Variants in ABI2 observed in about 807,000 individuals in gnomAD.
The protein encoded by ABI2 is abelson interactor 2.
Under a neutral mutation model 59.2 loss-of-function variants are expected in ABI2, and 25 were observed. The ratio of observed to expected loss-of-function variants is 0.42; its 90% CI spans 0.31 to 0.59. ABI2 has a LOEUF of 0.59. ABI2 is among the 20% of genes least tolerant of loss of function. The probability of loss-of-function intolerance (pLI) is 0.14; values close to 1 mark genes in which losing one functional copy is unlikely to be tolerated. For synonymous variants in ABI2, 213 were observed against 235.5 expected, an observed-to-expected ratio of 0.90 and a Z score of 0.87; for missense variants, 545 against 681.8, an observed-to-expected ratio of 0.80 and a Z score of 2.23.
chr2:203,368,984 A>AATTTTTTTT lies in ABI2; in HGVS notation c.285+1940_285+1941insATTTTTTTT, dbSNP rs1312712237. 8.8e-5 allele frequency among the ~76,000 whole-genome samples: 8 copies of AATTTTTTTT among 91,118 alleles called. 3 individuals are homozygous for AATTTTTTTT. The highest frequency in any genetic ancestry group is 4.5e-5 in the African/African-American group (1 of 22,452). 59.8% of individuals were successfully genotyped at this position (91,118 alleles called of 152,430 possible). Reference sequence around the variant, plus strand: ...TACAGGCACGTGCCATGCTTGGCTGATTTTTTTTTTTTTTTTTTTTTTTTT... The same window carrying AATTTTTTTT: ...TACAGGCACGTGCCATGCTTGGCTGAATTTTTTTTTTTTTTTTTTTTTTTTTTTTTTTTT... On this transcript the variant is annotated intron_variant, in intron 2 of 11. Transcript: ENST00000261018.
rs148766477 is a variant in ABI2, at chr2:203,338,908, CTGTGTGTG to C, written c.117+10291_117+10298del. Among the ~76,000 whole-genome samples the C allele has an allele frequency of 1.1e-3, 68 of 64,024 alleles. 1 individual carries two copies. Among genetic ancestry groups the C allele is most frequent in the East Asian group, 5.8e-3 (15 of 2,576 alleles). 42.0% of individuals were successfully genotyped at this position (64,024 alleles called of 152,430 possible). ...CATCTATCTGATAAGGGGTTTATAT[CTGTGTGTG>C]TGTGTGTGTGTGTATATGTATATAT... is the stretch of plus-strand genomic sequence containing the variant. On this transcript the variant is annotated intron_variant, in intron 1 of 11. Coordinates refer to ENST00000261018, the MANE Select transcript of ABI2 (RefSeq NM_001375670.1).
rs768609353 is a variant in ABI2 at position 203,427,288 on chromosome 2, T to C, written c.1565T>C (p.Met522Thr). 6 of 1,613,958 alleles carry C rather than the reference T, an allele frequency of 3.7e-6. No individual in the cohort carries two copies. The highest frequency in any genetic ancestry group is 1.3e-5 in the African/African-American group (1 of 74,922). The change falls in exon 12 of 12, where the codon ATG becomes ACG. Residue 522 changes from methionine to threonine, a missense_variant. Physicochemically the swap from Met to Thr is moderately conservative, Grantham distance 81 (BLOSUM62 -1). This residue lies in a region of ABI2 where 44 missense variants were observed against 106.4 expected (regional missense o/e 0.41). Coordinates refer to ENST00000261018, the MANE Select transcript of ABI2 (RefSeq NM_001375670.1). ...GACGATGGTTGGTATGAGGGAGTTATGAATGGAGTGACTGGGCTTTTTCCT... is the reference window on the plus strand; with the variant it reads ...GACGATGGTTGGTATGAGGGAGTTACGAATGGAGTGACTGGGCTTTTTCCT... ...KNDDGWYEGV[M>T]NGVTGLFPGN...
At chr2:203,358,124 T>C (rs1377616129) in intron 1 of ABI2, among the ~76,000 whole-genome samples, 1 of 148,156 alleles carries the variant, frequency 6.7e-6, no homozygotes, top group Admixed American at 6.8e-5. Flanking sequence ...TTTGTTTGTT[T>C]GTTTGTTTTT....
chr2:203,340,032 T>C (rs2078966766), intron 1 of ABI2, among the ~76,000 whole-genome samples: 1 of 152,196 alleles, frequency 6.6e-6, no homozygotes. Context: ...TAATAGAATA[T>C]TATTCAGCCA....
intron 3 of ABI2, 75 bp from the exon 4 acceptor site, chr2:203,382,114 A>T (rs1358310952): frequency 1.6e-6 from 2 of 1,273,460 alleles, no homozygotes; most frequent in Non-Finnish European, 2.1e-6. Flanking sequence ...CTTTCTCTTC[A>T]CATCCTGAAG....
rs1290659890 is a variant in ABI2 at position 203,411,307 on chromosome 2, C to T, written c.1215C>T (p.Pro405=). 1.2e-6 allele frequency: 2 copies of T among 1,613,678 alleles called. No individual in the cohort carries two copies. The highest frequency in any genetic ancestry group is 1.3e-5 in the African/African-American group (1 of 74,910). Residue 405 remains proline, a synonymous_variant, in exon 10 of 12, where the codon CCC becomes CCT. Transcript: ENST00000261018. ...QNPVSLAPPP[P]SILQVTPQLP... Reference sequence around the variant, plus strand: ...CAGTATCTCTTGCTCCTCCTCCTCCCTCCATCCTACAGGTAACTCCTCAGT... The same window carrying T: ...CAGTATCTCTTGCTCCTCCTCCTCCTTCCATCCTACAGGTAACTCCTCAGT...
chr2:203,353,391 G>A (rs1466310964), intron 1 of ABI2, among the ~76,000 whole-genome samples: 4 of 152,212 alleles, frequency 2.6e-5, no homozygotes, highest in Admixed American at 6.5e-5. Context: ...TATTTTCAAC[G>A]TTGCAGTTTT....
intron 1 of ABI2, among the ~76,000 whole-genome samples, chr2:203,350,506 C>T (rs976065015): frequency 6.6e-6 from 1 of 151,682 alleles, no homozygotes; most frequent in African/African-American, 2.4e-5. Flanking sequence ...GACACTACCA[C>T]ATGTGGTTAC....
rs575221108 is a variant in ABI2, at chr2:203,396,937, C to A, written c.1003C>A (p.Pro335Thr). Residue 335 changes from proline to threonine, a missense_variant, in exon 8 of 12, where the codon CCC becomes ACC. Pro to Thr is a conservative substitution (Grantham distance 38). Transcript: ENST00000261018. ...TGCTGATGGCTTCACTTCTCCAACT[C>A]CCCCTGTTGTTTCTTCCACTCCCCC... ...TLADGFTSPT[P>T]PVVSSTPPTG... The A allele has an allele frequency of 1.1e-4, 174 of 1,514,926 alleles. No homozygotes were observed. Among genetic ancestry groups the A allele is most frequent in the Middle Eastern group, 3.4e-4 (2 of 5,938 alleles). 93.8% of individuals were successfully genotyped at this position (1,514,926 alleles called of 1,614,324 possible). A position where few individuals can be genotyped will look rare whatever the true frequency, so the allele number is the denominator to read the frequency against.
chr2:203,392,689 T>C (rs1208996560), intron 5 of ABI2, among the ~76,000 whole-genome samples: 1 of 152,212 alleles, frequency 6.6e-6, no homozygotes, highest in African/African-American at 2.4e-5. Context: ...ATTTATATCA[T>C]GTGTAGTGCC....
rs2098470475 is a variant in ABI2, at chr2:203,430,093, T to C, written c.*2741T>C. The C allele has an allele frequency of 6.6e-6, 1 of 152,230 alleles. No homozygotes were observed. Among genetic ancestry groups the C allele is most frequent in the Admixed American group, 6.5e-5 (1 of 15,292 alleles). The allele number at this position is 152,230 out of a possible 1,614,324, so 9.4% of individuals were successfully genotyped here. A position where few individuals can be genotyped will look rare whatever the true frequency, so the allele number is the denominator to read the frequency against. ...ATTGTCTTGGAAGGATACTGTGTGA[T>C]GGGTCAGGCACACAGTAATTGGAGA... On this transcript the variant is annotated 3_prime_UTR_variant, in exon 12 of 12. Coordinates refer to ENST00000261018, the MANE Select transcript of ABI2 (RefSeq NM_001375670.1).
At chr2:203,404,177 C>G (rs1290922061) in intron 9 of ABI2, among the ~76,000 whole-genome samples, 3 of 152,154 alleles carry the variant, frequency 2.0e-5, no homozygotes. Context: ...TGCATGAAAG[C>G]CTGAGACCTT....
intron 9 of ABI2, among the ~76,000 whole-genome samples, chr2:203,408,232 G>A (rs973841253): frequency 2.7e-5 from 4 of 149,696 alleles, no homozygotes; most frequent in African/African-American, 9.9e-5. Flanking sequence ...GCATGATCTC[G>A]GCTCACTGCA....
At chr2:203,427,032 A>AT (rs1259953538) in intron 11 of ABI2, 145 bp from the exon 12 acceptor site, 5 of 641,214 alleles carry the variant, frequency 7.8e-6, no homozygotes, top group African/African-American at 1.8e-5. Context: ...AGAAAAAAAA[A>AT]CATGTAAGTT....
chr2:203,337,224 A>G (rs545138527), intron 1 of ABI2, among the ~76,000 whole-genome samples: 1 of 152,340 alleles, frequency 6.6e-6, no homozygotes, highest in African/African-American at 2.4e-5. Context: ...TGCAAATGAC[A>G]TGATTCCTTA....
chr2:203,333,921 T>G (rs575714148), intron 1 of ABI2, among the ~76,000 whole-genome samples: 1 of 151,940 alleles, frequency 6.6e-6, no homozygotes, highest in African/African-American at 2.4e-5. Context: ...TGTTCATTTA[T>G]TTTTTCTTTT....
chr2:203,376,544 T>C (rs994881642), intron 2 of ABI2, among the ~76,000 whole-genome samples: 3 of 152,200 alleles, frequency 2.0e-5, no homozygotes, highest in Admixed American at 6.5e-5. Flanking sequence ...AACAAATATA[T>C]TTTTAAAGAA....
intron 4 of ABI2, 21 bp from the exon 5 acceptor site, chr2:203,391,025 G>C: frequency 6.2e-7 from 1 of 1,605,424 alleles, no homozygotes; most frequent in Non-Finnish European, 8.5e-7. Flanking sequence ...TACAAGTTGA[G>C]TTTTCCTTAA....
At chr2:203,358,309 ATTTTTAT>A (rs1050112189) in intron 1 of ABI2, among the ~76,000 whole-genome samples, 6 of 151,562 alleles carry the variant, frequency 4.0e-5, no homozygotes, top group Admixed American at 6.6e-5. Context: ...TTTAAATTTT[ATTTTTAT>A]TTTTTATTTT....
Sources: gnomAD v4.1 joint callset for allele counts (sites outside exome capture counted in the v4.1 genomes callset) on GRCh38, gnomAD v4.1.1 for gene constraint, gnomAD v4.1.1 regional missense constraint, MANE v1.5 for transcripts, NCBI Gene and HGNC (gene_info 2026-07-23, HGNC 2026-07-21) for gene names.